Variants in LDAH observed in about 807,000 individuals in gnomAD.
LDAH encodes the protein lipid droplet associated hydrolase.
Under a neutral mutation model 29.6 loss-of-function variants are expected in LDAH, and 26 were observed. That is an observed-to-expected ratio of 0.88 (90% CI 0.64 to 1.22). The LOEUF is 1.22. Among genes scored for constraint, LDAH ranks in the 50% most tolerant of loss-of-function variants. The pLI is 0.00. For missense variants in LDAH, 344 were observed against 387.3 expected, an observed-to-expected ratio of 0.89 and a Z score of 0.94; for synonymous variants, 117 against 133.0, an observed-to-expected ratio of 0.88 and a Z score of 0.83.
chr2:20,781,147 T>C (rs1440346107), intron 3 of LDAH, among the ~76,000 whole-genome samples: 1 of 152,214 alleles, frequency 6.6e-6, no homozygotes, highest in Non-Finnish European at 1.5e-5. Flanking sequence ...AAATAGTTGA[T>C]AATGAATTTC....
At chr2:20,713,227 C>T (rs1664902880) in intron 5 of LDAH, among the ~76,000 whole-genome samples, 1 of 152,060 alleles carries the variant, frequency 6.6e-6, no homozygotes, top group South Asian at 2.1e-4. Context: ...AGAGTGGGGG[C>T]CAATATTCAA....
At chr2:20,720,255 T>C (rs1185035596) in intron 5 of LDAH, among the ~76,000 whole-genome samples, 5 of 152,092 alleles carry the variant, frequency 3.3e-5, no homozygotes, top group Non-Finnish European at 5.9e-5. Flanking sequence ...TAAATAAAGA[T>C]AGTAAAGTTG....
At position 20,812,441 on chromosome 2, in the gene LDAH, G is replaced by C. The variant is rs373314756; in HGVS notation, c.-3+10596C>G. 1.3e-3 allele frequency among the ~76,000 whole-genome samples: 205 copies of C among 152,240 alleles called. 3 individuals carry two copies. In the South Asian group the frequency reaches 0.037, roughly 28 times the overall value. On this transcript the variant is annotated intron_variant, in intron 1 of 6. Transcript: ENST00000237822. ...TTCCTGTCAAGTTTTTCCAGCTATT[G>C]AGCATTTTCATCTGGGTGCCTCATT...
chr2:20,738,556 G>C (rs746207184), intron 5 of LDAH, among the ~76,000 whole-genome samples: 3 of 152,040 alleles, frequency 2.0e-5, no homozygotes, highest in Non-Finnish European at 2.9e-5. Flanking sequence ...TTAGGGTCTG[G>C]ATCGGGACCC....
In LDAH at chr2:20,716,720, G is replaced by GTATATATATATATATATATATATA. The variant is rs1362301507; in HGVS notation, c.704-15069_704-15068insTATATATATATATATATATATATA. Among the ~76,000 whole-genome samples, 676 of 130,770 alleles carry GTATATATATATATATATATATATA rather than the reference G, an allele frequency of 5.2e-3. 40 individuals are homozygous for GTATATATATATATATATATATATA. The highest frequency in any genetic ancestry group is 7.2e-3 in the Non-Finnish European group (426 of 58,944). 85.8% of individuals were successfully genotyped at this position (130,770 alleles called of 152,430 possible). A position where few individuals can be genotyped will look rare whatever the true frequency, so the allele number is the denominator to read the frequency against. ...GTGTAGATGTACCCTAGAACTTTAA[G>GTATATATATATATATATATATATA]TATATATACATATATATATATATAT... On this transcript the variant is annotated intron_variant, in intron 5 of 6. Coordinates refer to ENST00000237822, the MANE Select transcript of LDAH (RefSeq NM_021925.4).
intron 4 of LDAH, among the ~76,000 whole-genome samples, chr2:20,771,003 AAC>A (rs1669373911): frequency 6.6e-6 from 1 of 152,230 alleles, no homozygotes; most frequent in Non-Finnish European, 1.5e-5. Context: ...GCTACTATTT[AAC>A]AGTCTTTCAA....
At chr2:20,772,200 C>T (rs1177546713) in intron 4 of LDAH, among the ~76,000 whole-genome samples, 1 of 152,174 alleles carries the variant, frequency 6.6e-6, no homozygotes, top group East Asian at 1.9e-4. Context: ...CTGAAGCAAA[C>T]ACAAAAACCA....
chr2:20,799,837 T>G (rs1487323530), intron 2 of LDAH, among the ~76,000 whole-genome samples: 1 of 152,070 alleles, frequency 6.6e-6, no homozygotes, highest in Non-Finnish European at 1.5e-5. Flanking sequence ...CTAAAGAATA[T>G]TCTGGAAAAG....
chr2:20,731,903 C>T (rs1234711467), intron 5 of LDAH, among the ~76,000 whole-genome samples: 2 of 151,156 alleles, frequency 1.3e-5, no homozygotes, highest in African/African-American at 4.9e-5. Flanking sequence ...CTGGCAGAGC[C>T]GCAGAACCAT....
At chr2:20,691,934 A>G (rs546948676) in intron 6 of LDAH, among the ~76,000 whole-genome samples, 1 of 152,292 alleles carries the variant, frequency 6.6e-6, no homozygotes, top group African/African-American at 2.4e-5. Flanking sequence ...ACCTAAGGGG[A>G]CAGGGCCCTC....
chr2:20,757,283 C>T (rs537462451), intron 4 of LDAH, among the ~76,000 whole-genome samples: 2 of 152,128 alleles, frequency 1.3e-5, no homozygotes, highest in African/African-American at 4.8e-5. Context: ...GAATTGTGTG[C>T]CCATAAAAGA....
chr2:20,752,666 A>T (rs1668047489), intron 4 of LDAH, among the ~76,000 whole-genome samples: 1 of 152,224 alleles, frequency 6.6e-6, no homozygotes, highest in Non-Finnish European at 1.5e-5. Flanking sequence ...AGCTGCTGTA[A>T]CAAATTGCTA....
At chr2:20,786,756 T>G (rs532420777) in intron 3 of LDAH, among the ~76,000 whole-genome samples, 1 of 152,306 alleles carries the variant, frequency 6.6e-6, no homozygotes, top group Admixed American at 6.5e-5. Context: ...TGTGCTGTGA[T>G]CTTCAAAAGT....
At chr2:20,810,945 C>A (rs984610283) in intron 1 of LDAH, among the ~76,000 whole-genome samples, 41 of 152,102 alleles carry the variant, frequency 2.7e-4, no homozygotes, top group Non-Finnish European at 5.1e-4. Flanking sequence ...ACCATCACTC[C>A]CCACTCCCCA....
chr2:20,735,700 A>G (rs1280343587), intron 5 of LDAH, among the ~76,000 whole-genome samples: 3 of 152,124 alleles, frequency 2.0e-5, no homozygotes, highest in Non-Finnish European at 2.9e-5. Flanking sequence ...TCTGGATCTT[A>G]CTTAAACTTT....
At chr2:20,775,526 T>C (rs990537009) in intron 3 of LDAH, among the ~76,000 whole-genome samples, 2 of 152,202 alleles carry the variant, frequency 1.3e-5, no homozygotes, top group Admixed American at 6.5e-5. Context: ...CTTAGGCTAA[T>C]TTATATTACT....
chr2:20,755,123 CTGTGTTTGTGTG>C (rs1402269988), intron 4 of LDAH, among the ~76,000 whole-genome samples: 12 of 85,862 alleles, frequency 1.4e-4, no homozygotes, highest in African/African-American at 4.9e-4. Flanking sequence ...TATTGTGTGT[CTGTGTTTGTGTG>C]TGTGTGTGTG....
At position 20,710,441 on chromosome 2, in the gene LDAH, A is replaced by T. The variant is rs186209219; in HGVS notation, c.704-8789T>A. 1.7e-3 allele frequency among the ~76,000 whole-genome samples: 264 copies of T among 151,818 alleles called. 1 individual carries two copies. Among genetic ancestry groups the T allele is most frequent in the African/African-American group, 6.2e-3 (257 of 41,462 alleles). On this transcript the variant is annotated intron_variant, in intron 5 of 6. Coordinates refer to ENST00000237822, the MANE Select transcript of LDAH (RefSeq NM_021925.4). ...TTAAAGAAATGGAATTTGTAATTTA[A>T]AATCTCTTCACAAAGAAAACCCCAG... is the stretch of plus-strand genomic sequence containing the variant.
downstream of LDAH, among the ~76,000 whole-genome samples, chr2:20,683,218 T>A (rs1251948965): frequency 1.3e-5 from 2 of 152,186 alleles, no homozygotes; most frequent in African/African-American, 2.4e-5. Flanking sequence ...CAGACACTCC[T>A]CACCTGGGCC....
Sources: gnomAD v4.1 joint callset for allele counts (sites outside exome capture counted in the v4.1 genomes callset) on GRCh38, gnomAD v4.1.1 for gene constraint, MANE v1.5 for transcripts, NCBI Gene and HGNC (gene_info 2026-07-23, HGNC 2026-07-21) for gene names.